RSU1: variants seen among roughly 807,000 people sequenced by gnomAD.
The protein encoded by RSU1 is Ras suppressor protein 1.
A neutral mutation model predicts 31.1 loss-of-function variants in RSU1; 26 were observed. That is an observed-to-expected ratio of 0.84 (90% CI 0.61 to 1.16). RSU1 has a LOEUF of 1.16. RSU1 is among the 50% of genes most tolerant of loss of function. The probability of loss-of-function intolerance (pLI) is 0.00; values close to 1 mark genes in which losing one functional copy is unlikely to be tolerated. For synonymous variants in RSU1, 164 were observed against 136.3 expected (o/e 1.20, Z -1.41); for missense variants, 320 against 339.1 (o/e 0.94, Z 0.44).
chr10:16,804,817 G>C (rs1270849734), intron 2 of RSU1, among the ~76,000 whole-genome samples: 1 of 152,182 alleles, frequency 6.6e-6, no homozygotes, highest in South Asian at 2.1e-4. Context: ...AGGTTTTGGA[G>C]GTAGATAATG....
chr10:16,694,973 A>C, intron 8 of RSU1, 50 bp downstream of exon 8: 2 of 1,516,716 alleles, frequency 1.3e-6, no homozygotes, highest in South Asian at 2.4e-5. Context: ...CGTAATTATA[A>C]ATACTATAAA....
At chr10:16,805,135 A>C (rs1838238381) in intron 2 of RSU1, among the ~76,000 whole-genome samples, 1 of 152,052 alleles carries the variant, frequency 6.6e-6, no homozygotes, top group African/African-American at 2.4e-5. Context: ...TGAACCTGGG[A>C]GGCAGAGGCT....
chr10:16,774,221 C>T (rs541017564), intron 3 of RSU1, among the ~76,000 whole-genome samples: 74 of 152,202 alleles, frequency 4.9e-4, no homozygotes, highest in South Asian at 2.3e-3. Context: ...TAAGATGGCA[C>T]TTATCAATAT....
At chr10:16,783,070 C>T (rs979053609) in intron 2 of RSU1, among the ~76,000 whole-genome samples, 5 of 151,918 alleles carry the variant, frequency 3.3e-5, no homozygotes, top group African/African-American at 1.2e-4. Context: ...GCCACCATGC[C>T]CGGCTAATTT....
Position 16,739,464 on chromosome 10 carries a change from TC to T in RSU1, c.598+13074del, listed in dbSNP as rs1485681640. On this transcript the variant is annotated intron_variant, in intron 7 of 8. Transcript: ENST00000345264. ...GATTTGCAAGAAATGTACATTTTCT[TC>T]CTTTTTTTTTTTTTTTTTTTTTTGA... 9.5e-5 allele frequency among the ~76,000 whole-genome samples: 12 copies of T among 126,658 alleles called. No homozygotes were observed. In the East Asian group the frequency reaches 2.2e-3, roughly 23 times the overall value. The allele number at this position is 126,658 out of a possible 152,430, so 83.1% of individuals were successfully genotyped here. A position where few individuals can be genotyped will look rare whatever the true frequency, so the allele number is the denominator to read the frequency against.
intron 8 of RSU1, among the ~76,000 whole-genome samples, chr10:16,653,226 T>G (rs1323617065): frequency 1.3e-5 from 2 of 152,188 alleles, no homozygotes; most frequent in Admixed American, 1.3e-4. Context: ...AATAAACAAG[T>G]TTCTGTGTTA....
chr10:16,714,045 G>A (rs1036602508), intron 7 of RSU1, among the ~76,000 whole-genome samples: 1 of 152,140 alleles, frequency 6.6e-6, no homozygotes, highest in Non-Finnish European at 1.5e-5. Context: ...AGGGGTGTTG[G>A]GCTGGCTGTT....
chr10:16,689,323 G>A (rs1259811006), intron 8 of RSU1, among the ~76,000 whole-genome samples: 1 of 152,194 alleles, frequency 6.6e-6, no homozygotes, highest in Non-Finnish European at 1.5e-5. Context: ...GTGAAGGGCT[G>A]TTTTAAAATG....
intron 8 of RSU1, among the ~76,000 whole-genome samples, chr10:16,624,127 T>A (rs1834117014): frequency 6.6e-6 from 1 of 152,106 alleles, no homozygotes; most frequent in South Asian, 2.1e-4. Flanking sequence ...CTACACATAG[T>A]GTATTGAGTC....
chr10:16,782,835 C>A (rs949536800), intron 2 of RSU1, among the ~76,000 whole-genome samples: 2 of 151,472 alleles, frequency 1.3e-5, no homozygotes, highest in African/African-American at 4.8e-5. Context: ...ACTCTGGGGT[C>A]TAAAACTTTA....
chr10:16,636,627 G>A (rs1834348655), intron 8 of RSU1, among the ~76,000 whole-genome samples: 1 of 152,220 alleles, frequency 6.6e-6, no homozygotes, highest in Non-Finnish European at 1.5e-5. Flanking sequence ...AGGCTTTCGG[G>A]TCTCCTTGTG....
chr10:16,797,159 G>A (rs368997526), intron 2 of RSU1, among the ~76,000 whole-genome samples: 5 of 152,326 alleles, frequency 3.3e-5, no homozygotes, highest in African/African-American at 1.2e-4. Flanking sequence ...CTCCCTTGCA[G>A]GACAGGGCCT....
At chr10:16,648,134 T>TTTATTTTTTTTTTA (rs1202910646) in intron 8 of RSU1, among the ~76,000 whole-genome samples, 167 of 143,614 alleles carry the variant, frequency 1.2e-3, no homozygotes, top group African/African-American at 4.2e-3. Flanking sequence ...AAAAAAAAAT[T>TTTATTTTTTTTTTA]TTTTTTTTTT....
intron 7 of RSU1, among the ~76,000 whole-genome samples, chr10:16,700,217 A>G (rs183124885): frequency 1.1e-4 from 16 of 152,320 alleles, no homozygotes; most frequent in Admixed American, 5.2e-4. Flanking sequence ...TCATCAAAGT[A>G]GCATTCCCTC....
chr10:16,717,278 C>CAT (rs1836163092), intron 7 of RSU1, among the ~76,000 whole-genome samples: 1 of 152,086 alleles, frequency 6.6e-6, no homozygotes, highest in Non-Finnish European at 1.5e-5. Context: ...GATATTATGT[C>CAT]ATATAAAATA....
At chr10:16,801,259 C>T (rs117476882) in intron 2 of RSU1, among the ~76,000 whole-genome samples, 7,902 of 152,084 alleles carry the variant, frequency 0.052, 257 homozygotes, top group African/African-American at 0.095. Flanking sequence ...TCAGACAAAG[C>T]TGACTTCAAA....
chr10:16,698,926 G>A (rs1835733818), intron 7 of RSU1, among the ~76,000 whole-genome samples: 1 of 152,054 alleles, frequency 6.6e-6, no homozygotes. Flanking sequence ...ACTTACTTCA[G>A]TATCAAGCAA....
intron 7 of RSU1, among the ~76,000 whole-genome samples, chr10:16,727,873 A>G (rs1588497508): frequency 6.6e-6 from 1 of 152,320 alleles, no homozygotes; most frequent in Admixed American, 6.5e-5. Flanking sequence ...GGCTGTGGGT[A>G]GCCGTGGGGG....
chr10:16,689,272 T>C (rs1262745721), intron 8 of RSU1, among the ~76,000 whole-genome samples: 1 of 152,218 alleles, frequency 6.6e-6, no homozygotes, highest in East Asian at 1.9e-4. Context: ...TTATACTTCA[T>C]CAGATGTTTA....
Sources: allele counts gnomAD v4.1 joint callset (sites outside exome capture counted in the v4.1 genomes callset), GRCh38; gene constraint gnomAD v4.1.1; transcripts MANE v1.5; gene names NCBI Gene and HGNC (gene_info 2026-07-23, HGNC 2026-07-21).